The following MORC2 variants were observed in gnomAD, a reference collection of about 807,000 sequenced individuals.
MORC2 encodes the protein ATPase MORC2.
A neutral mutation model predicts 136.0 loss-of-function variants in MORC2; 30 were observed. The observed-to-expected ratio is 0.22, with a 90% confidence interval of 0.17 to 0.30. The LOEUF is 0.30. Ranked by LOEUF, MORC2 falls within the 10% of genes least tolerant of loss-of-function variation. The pLI is 1.00. For missense variants in MORC2, 922 were observed against 1,333.1 expected (o/e 0.69, Z 4.80); for synonymous variants, 439 against 487.0 (o/e 0.90, Z 1.30).
intron 25 of MORC2, 85 bp downstream of exon 25, chr22:30,927,934 T>G (rs924790292): frequency 1.3e-6 from 2 of 1,507,858 alleles, no homozygotes; most frequent in African/African-American, 1.4e-5. Context: ...GTGGATAGAT[T>G]CTTGTGAGAA....
At chr22:30,962,983 T>G (rs2041072116) in intron 1 of MORC2, among the ~76,000 whole-genome samples, 1 of 152,132 alleles carries the variant, frequency 6.6e-6, no homozygotes, top group African/African-American at 2.4e-5. Flanking sequence ...GAAATTCTTT[T>G]TTTTTTTTGA....
chr22:30,950,337 G>GCT, intron 4 of MORC2, 40 bp downstream of exon 4: 2 of 761,766 alleles, frequency 2.6e-6, no homozygotes, highest in Non-Finnish European at 2.3e-6. Flanking sequence ...TGGTTACATC[G>GCT]CACCCCCCCA....
rs1411993831 is a variant in MORC2 at position 30,968,626 on chromosome 22, G to C, written c.-737C>G. Among the ~76,000 whole-genome samples the C allele has an allele frequency of 1.3e-5, 2 of 152,020 alleles. No homozygotes were observed. Among genetic ancestry groups the C allele is most frequent in the Admixed American group, 1.3e-4 (2 of 15,272 alleles). On this transcript the variant is annotated 5_prime_UTR_variant, in exon 1 of 26. Coordinates refer to ENST00000397641, the MANE Select transcript of MORC2 (RefSeq NM_001303256.3). ...CCGCGCCCCGCCCCCACGTCCCTCA[G>C]ACAACAGCCTCAGCCTCCCAGGCCC...
intron 10 of MORC2, among the ~76,000 whole-genome samples, chr22:30,940,442 C>T (rs2040726500): frequency 6.6e-6 from 1 of 152,140 alleles, no homozygotes; most frequent in Non-Finnish European, 1.5e-5. Context: ...GATGTTTGCC[C>T]TGAAGTCAGG....
intron 6 of MORC2, among the ~76,000 whole-genome samples, chr22:30,944,528 A>C (rs2040788370): frequency 6.6e-6 from 1 of 151,712 alleles, no homozygotes; most frequent in Admixed American, 6.6e-5. Context: ...TTCTCACTCT[A>C]TTCTCTCCAT....
intron 4 of MORC2, among the ~76,000 whole-genome samples, chr22:30,950,128 G>A (rs1021985318): frequency 6.6e-6 from 1 of 152,080 alleles, no homozygotes; most frequent in Non-Finnish European, 1.5e-5. Flanking sequence ...TAAATACAAC[G>A]CCAAGAGACA....
rs2040745109 is a variant in MORC2 at position 30,941,752 on chromosome 22, G to A, written c.698+139C>T. ...ACGTCCTCAGCACAGGCACCCCACA[G>A]GCAACTGAGCTGGCCCTACATACTA... On this transcript the variant is annotated intron_variant, in intron 8 of 25. Coordinates refer to ENST00000397641, the MANE Select transcript of MORC2 (RefSeq NM_001303256.3). The surrounding 1 kb of genome is among the most constrained non-coding windows in gnomAD (Gnocchi z 4.6). The A allele has an allele frequency of 9.1e-7, 1 of 1,104,418 alleles. No individual in the cohort carries two copies. Among genetic ancestry groups the A allele is most frequent in the South Asian group, 1.4e-5 (1 of 69,198 alleles). The allele number at this position is 1,104,418 out of a possible 1,614,324, so 68.4% of individuals were successfully genotyped here. A position where few individuals can be genotyped will look rare whatever the true frequency, so the allele number is the denominator to read the frequency against.
At chr22:30,930,996 C>G (rs2040568252) in intron 24 of MORC2, among the ~76,000 whole-genome samples, 1 of 152,238 alleles carries the variant, frequency 6.6e-6, no homozygotes, top group Non-Finnish European at 1.5e-5. Flanking sequence ...CCAATTCCCA[C>G]AGACCTGAGT....
intron 3 of MORC2, among the ~76,000 whole-genome samples, chr22:30,950,737 C>T (rs894668228): frequency 1.3e-5 from 2 of 152,194 alleles, no homozygotes; most frequent in African/African-American, 4.8e-5. Flanking sequence ...ATACCTCACA[C>T]ATATCTCAAT....
intron 3 of MORC2, 56 bp downstream of exon 3, chr22:30,956,707 C>A: frequency 7.6e-7 from 1 of 1,313,824 alleles, no homozygotes; most frequent in Non-Finnish European, 1.1e-6. Context: ...TTCTTAGGCA[C>A]AGTAATAAAT....
chr22:30,934,005 G>T lies in MORC2; in HGVS notation c.2325+55C>A. 1 of 1,605,602 alleles carries T rather than the reference G, an allele frequency of 6.2e-7. No homozygotes were observed. Among genetic ancestry groups the T allele is most frequent in the Admixed American group, 1.7e-5 (1 of 59,758 alleles). ...CTGATGGGGGGTGCAGACTGCTGGTGGGGGCTGCAGGCCCTAGAGAGAGAG... is the reference window on the plus strand; with the variant it reads ...CTGATGGGGGGTGCAGACTGCTGGTTGGGGCTGCAGGCCCTAGAGAGAGAG... On this transcript the variant is annotated intron_variant, in intron 20 of 25. Transcript: ENST00000397641. This position sits in a 1 kb window ranked among gnomAD's most constrained non-coding sequence, Gnocchi z 4.4.
rs1204580317 is a variant in MORC2 at position 30,933,036 on chromosome 22, A to C, written c.2381-6T>G. 6.2e-7 allele frequency: 1 copy of C among 1,613,548 alleles called. No individual in the cohort carries two copies. Among genetic ancestry groups the C allele is most frequent in the Non-Finnish European group, 8.5e-7 (1 of 1,179,972 alleles). On this transcript the variant is annotated splice_polypyrimidine_tract_variant and splice_region_variant and intron_variant, in intron 21 of 25. Transcript: ENST00000397641. ...CTCCACGTGCAGCCCTTTATCTGAC[A>C]ATGTAGACAGAGGTGCGAGTCAGAA...
chr22:30,958,427 C>T (rs556970682), intron 2 of MORC2, among the ~76,000 whole-genome samples: 27 of 152,208 alleles, frequency 1.8e-4, no homozygotes, highest in African/African-American at 5.8e-4. Context: ...TAGGCTAGAA[C>T]ACAAAGAACA....
rs572065369 is a variant in MORC2 at position 30,942,891 on chromosome 22, G to C, written c.427-620C>G. Among the ~76,000 whole-genome samples the C allele has an allele frequency of 2.6e-5, 4 of 152,330 alleles. No homozygotes were observed. The East Asian group carries it at 7.7e-4, about 29-fold the overall frequency. On this transcript the variant is annotated intron_variant, in intron 6 of 25. Transcript: ENST00000397641. ...GTGGCAGCGTGCGTCTGTAGCCCCA[G>C]CTACTCAGGAGGCTGAGACAGGAGA... is the stretch of plus-strand genomic sequence containing the variant.
chr22:30,930,982 A>G (rs906921322), intron 24 of MORC2, among the ~76,000 whole-genome samples: 1 of 151,986 alleles, frequency 6.6e-6, no homozygotes, highest in African/African-American at 2.4e-5. Flanking sequence ...TTTGTCATCA[A>G]CCTCCAATTC....
chr22:30,946,659 A>T lies in MORC2; in HGVS notation c.318-210T>A, dbSNP rs532748464. On this transcript the variant is annotated intron_variant, in intron 5 of 25. Coordinates refer to ENST00000397641, the MANE Select transcript of MORC2 (RefSeq NM_001303256.3). ...TTCCTCTGCTTTTCCACAGGCCTGT[A>T]ACTCCTTAGTCTTTACTTACAACGT... is the stretch of plus-strand genomic sequence containing the variant. Among the ~76,000 whole-genome samples the T allele has an allele frequency of 3.4e-5, 5 of 148,226 alleles. No individual in the cohort carries two copies. The South Asian group carries it at 8.4e-4, about 25-fold the overall frequency.
intron 6 of MORC2, among the ~76,000 whole-genome samples, chr22:30,945,785 C>G (rs1334645269): frequency 6.6e-6 from 1 of 152,202 alleles, no homozygotes; most frequent in African/African-American, 2.4e-5. Context: ...CAGCCACTCC[C>G]AAGACGAGAC....
intron 1 of MORC2, among the ~76,000 whole-genome samples, chr22:30,962,570 G>A (rs376437428): frequency 6.7e-6 from 1 of 150,184 alleles, no homozygotes; most frequent in Non-Finnish European, 1.5e-5. Flanking sequence ...ACACCAACCT[G>A]GCTGAAAGAG....
At chr22:30,961,117 G>A (rs2041039707) in intron 1 of MORC2, among the ~76,000 whole-genome samples, 3 of 152,016 alleles carry the variant, frequency 2.0e-5, no homozygotes, top group Non-Finnish European at 1.5e-5. Flanking sequence ...TGATCCAGCC[G>A]CCTCAGCCTC....
Sources: allele counts gnomAD v4.1 joint callset (sites outside exome capture counted in the v4.1 genomes callset), GRCh38; gene constraint gnomAD v4.1.1; non-coding constraint Gnocchi (gnomAD v3.1); transcripts MANE v1.5; gene names NCBI Gene and HGNC (gene_info 2026-07-23, HGNC 2026-07-21).